The following DNAAF9 variants were observed in gnomAD, a reference collection of about 807,000 sequenced individuals.
DNAAF9 encodes the protein dynein axonemal assembly factor 9.
In DNAAF9, 90 loss-of-function variants were observed where a neutral mutation model predicts 167.0. That is an observed-to-expected ratio of 0.54 (90% confidence interval 0.45 to 0.64). The LOEUF (loss-of-function observed/expected upper bound fraction) is 0.64, where lower values mean the gene tolerates loss of function less well. Among genes scored for constraint, DNAAF9 ranks in the 30% least tolerant of loss-of-function variants. The pLI is 0.00. For missense variants in DNAAF9, 1,315 were observed against 1,442.2 expected, an observed-to-expected ratio of 0.91 and a Z score of 1.43; for synonymous variants, 491 against 508.8, an observed-to-expected ratio of 0.96 and a Z score of 0.47.
chr20:3,330,891 A>C (rs946052600), intron 11 of DNAAF9, among the ~76,000 whole-genome samples: 2 of 150,038 alleles, frequency 1.3e-5, no homozygotes, highest in African/African-American at 4.9e-5. Context: ...TCCCAGGTTC[A>C]GGCGATTCTC....
intron 25 of DNAAF9, among the ~76,000 whole-genome samples, chr20:3,292,300 G>A (rs1377348658): frequency 2.6e-5 from 4 of 152,060 alleles, no homozygotes; most frequent in African/African-American, 7.3e-5. Flanking sequence ...CCGCCTGGGC[G>A]AGCACCTTTT....
chr20:3,319,907 C>T (rs771549754), intron 16 of DNAAF9, among the ~76,000 whole-genome samples: 3 of 152,262 alleles, frequency 2.0e-5, no homozygotes, highest in Admixed American at 1.3e-4. Flanking sequence ...CATCTGAAGA[C>T]ACAGAACCCT....
intron 5 of DNAAF9, 140 bp downstream of exon 5, chr20:3,374,890 C>A: frequency 3.2e-6 from 2 of 631,138 alleles, no homozygotes; most frequent in South Asian, 2.1e-5. Flanking sequence ...AGTCCCCATA[C>A]TTAATTCTGC....
In DNAAF9 at chr20:3,318,367, G is replaced by A. The variant is rs1409709772; in HGVS notation, c.1390C>T (p.Leu464=). ...CMAVYDIPDL[L]GGNGCLGSVV... ...GATCCTAAACAACCATTGCCTCCCA[G>A]TAAGTCAGGAATGTCATAGACGGCC... is the stretch of plus-strand genomic sequence containing the variant. The change falls in exon 17 of 37, where the codon CTG becomes TTG. Residue 464 remains leucine, a synonymous_variant. Transcript: ENST00000252032. 1.2e-6 allele frequency: 2 copies of A among 1,604,370 alleles called. No homozygotes were observed. Among genetic ancestry groups the A allele is most frequent in the African/African-American group, 2.7e-5 (2 of 74,636 alleles).
intron 10 of DNAAF9, 54 bp from the exon 11 acceptor site, chr20:3,332,415 T>C (rs756404503): frequency 2.7e-5 from 24 of 887,508 alleles, no homozygotes; most frequent in Non-Finnish European, 4.5e-5. Context: ...AGGCATGTAC[T>C]AGTAGATAAA....
At chr20:3,390,935 C>T (rs1260708273) in intron 1 of DNAAF9, among the ~76,000 whole-genome samples, 1 of 152,168 alleles carries the variant, frequency 6.6e-6, no homozygotes, top group Non-Finnish European at 1.5e-5. Flanking sequence ...GGCTGCTTTA[C>T]TGCCAAGGTT....
At chr20:3,360,381 T>G (rs1420075230) in intron 6 of DNAAF9, among the ~76,000 whole-genome samples, 2 of 152,192 alleles carry the variant, frequency 1.3e-5, no homozygotes, top group Non-Finnish European at 2.9e-5. Context: ...CCTCCCAAAC[T>G]GCTGGGATTA....
At chr20:3,376,089 T>C in intron 4 of DNAAF9, 89 bp downstream of exon 4, 1 of 1,194,568 alleles carries the variant, frequency 8.4e-7, no homozygotes, top group Non-Finnish European at 1.2e-6. Context: ...ACTCTGCAAT[T>C]TGATTGCTGA....
chr20:3,365,634 C>T (rs965479998), intron 6 of DNAAF9, among the ~76,000 whole-genome samples: 7 of 152,110 alleles, frequency 4.6e-5, no homozygotes, highest in African/African-American at 9.7e-5. Context: ...TCAGGTGATC[C>T]GCCCACCTTG....
intron 1 of DNAAF9, among the ~76,000 whole-genome samples, chr20:3,404,004 A>G (rs547786870): frequency 1.1e-4 from 17 of 152,178 alleles, no homozygotes; most frequent in African/African-American, 3.1e-4. Context: ...GACCCTCCAC[A>G]TTATCGAATC....
chr20:3,284,346 A>G (rs2068814807), intron 27 of DNAAF9, among the ~76,000 whole-genome samples: 1 of 151,858 alleles, frequency 6.6e-6, no homozygotes, highest in African/African-American at 2.4e-5. Context: ...ACACCCAGCT[A>G]ATTTTTTGTA....
At chr20:3,273,863 C>T (rs566529850) in intron 29 of DNAAF9, among the ~76,000 whole-genome samples, 125 of 152,304 alleles carry the variant, frequency 8.2e-4, no homozygotes, top group African/African-American at 2.9e-3. Flanking sequence ...CCTCTTCTTC[C>T]AGAAGATCTG....
At position 3,352,830 on chromosome 20, in the gene DNAAF9, T is replaced by C. The variant is rs146335921; in HGVS notation, c.691-4207A>G. Among the ~76,000 whole-genome samples the C allele has an allele frequency of 1.5e-5, 2 of 136,094 alleles. 1 individual carries two copies. Among genetic ancestry groups the C allele is most frequent in the Non-Finnish European group, 3.1e-5 (2 of 64,460 alleles). 89.3% of individuals were successfully genotyped at this position (136,094 alleles called of 152,430 possible). Reference sequence around the variant, plus strand: ...TCAACACATCAAATATGTTTAAATCTATGAGTTCAAAATATTTATATATAT... The same window carrying C: ...TCAACACATCAAATATGTTTAAATCCATGAGTTCAAAATATTTATATATAT... On this transcript the variant is annotated intron_variant, in intron 7 of 36. Coordinates refer to ENST00000252032, the MANE Select transcript of DNAAF9 (RefSeq NM_001009984.3).
At chr20:3,279,286 T>C (rs2068727397) in intron 28 of DNAAF9, among the ~76,000 whole-genome samples, 1 of 152,214 alleles carries the variant, frequency 6.6e-6, no homozygotes, top group African/African-American at 2.4e-5. Context: ...AGTGGATATT[T>C]CAAGGGAAAA....
At chr20:3,352,761 C>T (rs2123151908) in intron 7 of DNAAF9, among the ~76,000 whole-genome samples, 1 of 152,018 alleles carries the variant, frequency 6.6e-6, no homozygotes, top group East Asian at 1.9e-4. Context: ...TACTGCAGGT[C>T]GGCCCAAGGC....
chr20:3,399,036 T>C lies in DNAAF9; in HGVS notation c.83+8439A>G, dbSNP rs78967655. On this transcript the variant is annotated intron_variant, in intron 1 of 36. Coordinates refer to ENST00000252032, the MANE Select transcript of DNAAF9 (RefSeq NM_001009984.3). ...CACACACATATGATATGCCTTGATA[T>C]GCCTGAAGAATGTGCTGGCATCACT... 1.1e-4 allele frequency among the ~76,000 whole-genome samples: 16 copies of C among 152,300 alleles called. No individual in the cohort carries two copies. In the East Asian group the frequency reaches 2.5e-3, roughly 24 times the overall value.
intron 1 of DNAAF9, chr20:3,384,116 C>T (rs8116213): frequency 0.043 from 6,573 of 152,226 alleles, 206 homozygotes; most frequent in African/African-American, 0.089. Flanking sequence ...TTCTTTTTGA[C>T]GTTCCTATGC....
At position 3,315,513 on chromosome 20, in the gene DNAAF9, C is replaced by T. The variant is rs1468043372; in HGVS notation, c.1590+222G>A. ...TTATGGGGAGATTTTTAAAAGAACA[C>T]CAGAAGGCCCTGATGGAATAAAGAA... On this transcript the variant is annotated intron_variant, in intron 19 of 36. Transcript: ENST00000252032. The surrounding 1 kb of genome is among the most constrained non-coding windows in gnomAD (Gnocchi z 4.1). Among the ~76,000 whole-genome samples, 1 of 152,124 alleles carries T rather than the reference C, an allele frequency of 6.6e-6. No homozygotes were observed. Among genetic ancestry groups the T allele is most frequent in the African/African-American group, 2.4e-5 (1 of 41,418 alleles).
intron 28 of DNAAF9, among the ~76,000 whole-genome samples, chr20:3,281,227 T>C (rs2068759689): frequency 6.6e-6 from 1 of 151,628 alleles, no homozygotes; most frequent in Non-Finnish European, 1.5e-5. Flanking sequence ...TGGGATTTTG[T>C]CATGTTGGCC....
Sources: allele counts gnomAD v4.1 joint callset (sites outside exome capture counted in the v4.1 genomes callset), GRCh38; gene constraint gnomAD v4.1.1; non-coding constraint Gnocchi (gnomAD v3.1); transcripts MANE v1.5; gene names NCBI Gene and HGNC (gene_info 2026-07-23, HGNC 2026-07-21).